LYPD6B: variants seen among roughly 807,000 people sequenced by gnomAD.
LYPD6B encodes LY6/PLAUR domain containing 6B, also known as ly6/PLAUR domain-containing protein 6B.
A neutral mutation model predicts 22.8 loss-of-function variants in LYPD6B; 17 were observed. The observed-to-expected ratio is 0.75, with a 90% confidence interval of 0.51 to 1.12. The LOEUF is 1.12. Among genes scored for constraint, LYPD6B ranks in the 50% most tolerant of loss-of-function variants. The probability of loss-of-function intolerance (pLI) is 0.00; values close to 1 mark genes in which losing one functional copy is unlikely to be tolerated. For missense variants in LYPD6B, 221 were observed against 258.3 expected, an observed-to-expected ratio of 0.86 and a Z score of 0.99; for synonymous variants, 106 against 91.6, an observed-to-expected ratio of 1.16 and a Z score of -0.90.
chr2:149,075,331 C>G (rs1684833720), intron 1 of LYPD6B, among the ~76,000 whole-genome samples: 1 of 152,238 alleles, frequency 6.6e-6, no homozygotes, highest in Middle Eastern at 3.4e-3. Flanking sequence ...CACAGACAAT[C>G]AAGTGTAGAT....
At chr2:149,177,835 G>GTTTTTT (rs35470511) in intron 3 of LYPD6B, among the ~76,000 whole-genome samples, 1 of 131,860 alleles carries the variant, frequency 7.6e-6, no homozygotes, top group African/African-American at 2.8e-5. Context: ...TTCTGCAAGA[G>GTTTTTT]TTTTTTTTTT....
At chr2:149,077,528 T>A (rs1352175521) in intron 1 of LYPD6B, 1 of 152,240 alleles carries the variant, frequency 6.6e-6, no homozygotes, top group East Asian at 1.9e-4. Context: ...AGGACTCTGC[T>A]GGAGCAGGAC....
chr2:149,188,387 T>G (rs1692267255), intron 3 of LYPD6B, among the ~76,000 whole-genome samples: 1 of 152,132 alleles, frequency 6.6e-6, no homozygotes, highest in Non-Finnish European at 1.5e-5. Flanking sequence ...GGTTCTGACT[T>G]TATCTGAATG....
intron 1 of LYPD6B, among the ~76,000 whole-genome samples, chr2:149,125,098 T>C (rs1217164274): frequency 2.0e-5 from 3 of 152,126 alleles, no homozygotes; most frequent in Non-Finnish European, 2.9e-5. Flanking sequence ...GTTCTCCCAG[T>C]CAAACAGAAA....
intron 1 of LYPD6B, among the ~76,000 whole-genome samples, chr2:149,088,233 C>G (rs1199532458): frequency 1.3e-5 from 2 of 152,120 alleles, no homozygotes; most frequent in African/African-American, 4.8e-5. Flanking sequence ...AGAAAACAGA[C>G]TAACCTATAA....
intron 3 of LYPD6B, among the ~76,000 whole-genome samples, chr2:149,203,980 C>G (rs905310030): frequency 6.6e-6 from 1 of 152,306 alleles, no homozygotes; most frequent in Middle Eastern, 3.4e-3. Context: ...AAGGATTATG[C>G]TTGTATATGC....
intron 1 of LYPD6B, among the ~76,000 whole-genome samples, chr2:149,059,447 G>A (rs1683966854): frequency 6.6e-6 from 1 of 152,212 alleles, no homozygotes; most frequent in Non-Finnish European, 1.5e-5. Flanking sequence ...ATCAGCCTTG[G>A]CAGAGGAAAC....
At chr2:149,180,102 G>T (rs1306627981) in intron 3 of LYPD6B, among the ~76,000 whole-genome samples, 1 of 152,208 alleles carries the variant, frequency 6.6e-6, no homozygotes, top group Admixed American at 6.5e-5. Context: ...TGTCAAAGAA[G>T]AGAAATGCTC....
At chr2:149,155,561 C>A (rs1302111207) in intron 2 of LYPD6B, among the ~76,000 whole-genome samples, 1 of 152,218 alleles carries the variant, frequency 6.6e-6, no homozygotes, top group Non-Finnish European at 1.5e-5. Flanking sequence ...CTGGGCAAAG[C>A]TGCACTCAGC....
At chr2:149,076,764 G>T (rs916090159) in intron 1 of LYPD6B, among the ~76,000 whole-genome samples, 3 of 152,126 alleles carry the variant, frequency 2.0e-5, no homozygotes, top group African/African-American at 7.2e-5. Flanking sequence ...ACCTTAAAAG[G>T]TAGAGGGAAA....
At chr2:149,204,190 G>A (rs1157161749) in intron 3 of LYPD6B, among the ~76,000 whole-genome samples, 5 of 152,156 alleles carry the variant, frequency 3.3e-5, no homozygotes, top group Non-Finnish European at 7.3e-5. Context: ...ACCTAAATAT[G>A]TGGGCAGTGT....
chr2:149,213,541 C>T (rs1364010306), intron 6 of LYPD6B, among the ~76,000 whole-genome samples: 1 of 152,210 alleles, frequency 6.6e-6, no homozygotes, highest in Admixed American at 6.5e-5. Context: ...ATGGCTTTAA[C>T]GTTCTCATTC....
rs1238104792 is a variant in LYPD6B at position 149,180,710 on chromosome 2, T to C, written c.77+19875T>C. On this transcript the variant is annotated intron_variant, in intron 3 of 6. Transcript: ENST00000409642. ...TCGCTGCCTGTGGCCGGGAGCTGTG[T>C]CCTGATCCTTGATCCTGGCTGTGTG... 2.6e-5 allele frequency among the ~76,000 whole-genome samples: 4 copies of C among 152,216 alleles called. No homozygotes were observed. The East Asian group carries it at 7.7e-4, about 29-fold the overall frequency.
chr2:149,060,578 G>C (rs772039626), intron 1 of LYPD6B, among the ~76,000 whole-genome samples: 46 of 152,170 alleles, frequency 3.0e-4, no homozygotes, highest in Non-Finnish European at 7.3e-5. Context: ...TGAGTTTCCT[G>C]GGGTTTGGCT....
intron 1 of LYPD6B, among the ~76,000 whole-genome samples, chr2:149,108,705 T>C (rs1332395975): frequency 2.0e-5 from 3 of 152,218 alleles, no homozygotes; most frequent in Admixed American, 2.0e-4. Context: ...ATTTTTGATG[T>C]GTTTAAGTTT....
At chr2:149,153,157 A>G (rs1370217666) in intron 2 of LYPD6B, among the ~76,000 whole-genome samples, 1 of 152,212 alleles carries the variant, frequency 6.6e-6, no homozygotes, top group Non-Finnish European at 1.5e-5. Context: ...TAAGATATTA[A>G]CAAGGCACAC....
intron 1 of LYPD6B, among the ~76,000 whole-genome samples, chr2:149,110,667 G>A (rs1686712760): frequency 6.6e-6 from 1 of 152,050 alleles, no homozygotes; most frequent in Admixed American, 6.6e-5. Flanking sequence ...CCATTTTAAT[G>A]TAAAAATATA....
At chr2:149,076,747 A>G (rs538850698) in intron 1 of LYPD6B, among the ~76,000 whole-genome samples, 1 of 152,336 alleles carries the variant, frequency 6.6e-6, no homozygotes, top group Admixed American at 6.5e-5. Flanking sequence ...TATAATGTGG[A>G]TATATTACCT....
chr2:149,183,855 G>GTA (rs1691915642), intron 3 of LYPD6B, among the ~76,000 whole-genome samples: 1 of 141,260 alleles, frequency 7.1e-6, no homozygotes, highest in African/African-American at 2.5e-5. Flanking sequence ...GTATGTGTGT[G>GTA]TGTGTGTGTA....
Sources: gnomAD v4.1 joint callset for allele counts (sites outside exome capture counted in the v4.1 genomes callset) on GRCh38, gnomAD v4.1.1 for gene constraint, MANE v1.5 for transcripts, NCBI Gene and HGNC (gene_info 2026-07-23, HGNC 2026-07-21) for gene names.